Variants in PRR14L observed in about 807,000 individuals in gnomAD.
The protein encoded by PRR14L is protein PRR14L.
Under a neutral mutation model 155.0 loss-of-function variants are expected in PRR14L, and 80 were observed. That is an observed-to-expected ratio of 0.52 (90% CI 0.43 to 0.62). The LOEUF is 0.62. Ranked by LOEUF, PRR14L falls within the 20% of genes least tolerant of loss-of-function variation. PRR14L has a pLI of 0.00. For synonymous variants in PRR14L, 883 were observed against 916.0 expected, an observed-to-expected ratio of 0.96 and a Z score of 0.65; for missense variants, 2,469 against 2,548.0, an observed-to-expected ratio of 0.97 and a Z score of 0.67.
intron 1 of PRR14L, among the ~76,000 whole-genome samples, chr22:31,741,499 A>C (rs576988341): frequency 6.6e-6 from 1 of 152,046 alleles, no homozygotes; most frequent in South Asian, 2.1e-4. Flanking sequence ...ACAAAACAAA[A>C]CATTACCAAG....
Position 31,725,564 on chromosome 22 carries a change from A to G in PRR14L, c.521T>C (p.Leu174Pro). 1 of 1,551,070 alleles carries G rather than the reference A, an allele frequency of 6.4e-7. No individual in the cohort carries two copies. The highest frequency in any genetic ancestry group is 2.4e-5 in the East Asian group (1 of 40,924). ...QSSKELSHVDLPEDFLRSKEG... is the reference protein window; with the variant it reads ...QSSKELSHVDPPEDFLRSKEG... ...TTTGCTCCTTAGAAAATCTTCAGGG[A>G]GGTCCACATGTGAAAGTTCTTTGCT... Residue 174 changes from leucine (L) to proline (P), a missense_variant, in exon 3 of 9, where the codon CTC becomes CCC. Transcript: ENST00000327423.
At position 31,688,925 on chromosome 22, in the gene PRR14L, C is replaced by CACACACACACAAAA. The variant is rs1165552534; in HGVS notation, c.6108-699_6108-698insTTTTGTGTGTGTGT. Among the ~76,000 whole-genome samples the CACACACACACAAAA allele has an allele frequency of 4.3e-3, 650 of 151,320 alleles. 4 individuals carry two copies. The highest frequency in any genetic ancestry group is 0.015 in the African/African-American group (618 of 41,254). On this transcript the variant is annotated intron_variant, in intron 7 of 8. Coordinates refer to ENST00000327423, the MANE Select transcript of PRR14L (RefSeq NM_173566.3). ...ATACACACACACACACACACACACA[C>CACACACACACAAAA]AAAAACCCTTCACACCTATCAATTA...
chr22:31,744,393 A>G (rs11704362), intron 1 of PRR14L, among the ~76,000 whole-genome samples: 14,561 of 152,188 alleles, frequency 0.096, 766 homozygotes, highest in Admixed American at 0.15. Context: ...TTGGTCTCCC[A>G]AAGTGCTGGG....
At position 31,712,596 on chromosome 22, in the gene PRR14L, G is replaced by T. The variant is rs757156718; in HGVS notation, c.5243C>A (p.Ala1748Asp). The change falls in exon 4 of 9, where the codon GCC (alanine) becomes GAC (aspartate). Residue 1748 changes from alanine to aspartate, a missense_variant. Coordinates refer to ENST00000327423, the MANE Select transcript of PRR14L (RefSeq NM_173566.3). ...CGGGCACTGGAGGGCCTCTCCTAAG[G>T]CAAGCCTTGCCGGAGCACAGTGCTC... is the stretch of plus-strand genomic sequence containing the variant. Reference protein sequence around the residue: ...FPEHCAPARLALGEALQCPSQ... With the variant: ...FPEHCAPARLDLGEALQCPSQ... The T allele has an allele frequency of 3.5e-5, 54 of 1,551,700 alleles. No individual in the cohort carries two copies. Among genetic ancestry groups the T allele is most frequent in the Non-Finnish European group, 4.6e-5 (53 of 1,146,978 alleles).
intron 7 of PRR14L, among the ~76,000 whole-genome samples, chr22:31,692,869 G>A (rs748885265): frequency 6.6e-6 from 1 of 151,780 alleles, no homozygotes; most frequent in African/African-American, 2.4e-5. Context: ...TGAACTCCTG[G>A]GCTCAAGCAT....
chr22:31,748,610 A>T (rs2074853624), intron 1 of PRR14L, among the ~76,000 whole-genome samples: 1 of 152,200 alleles, frequency 6.6e-6, no homozygotes, highest in Non-Finnish European at 1.5e-5. Context: ...TTTTCTTGGG[A>T]GAGCAAAAGA....
chr22:31,714,512 A>T lies in PRR14L; in HGVS notation c.3327T>A (p.Thr1109=). 1.9e-6 allele frequency: 3 copies of T among 1,552,184 alleles called. No homozygotes were observed. The highest frequency in any genetic ancestry group is 2.4e-5 in the South Asian group (2 of 84,062). Residue 1109 remains threonine (T), a synonymous_variant, in exon 4 of 9, where the codon ACT becomes ACA. Transcript: ENST00000327423. ...RELDAAHTGT[T]GQDSDFPVTA... ...TAACTGGGAAATCTGAATCCTGACCAGTTGTTCCTGTATGTGCAGCATCCA... is the reference window on the plus strand; with the variant it reads ...TAACTGGGAAATCTGAATCCTGACCTGTTGTTCCTGTATGTGCAGCATCCA...
rs1387687462 is a variant in PRR14L, at chr22:31,714,643, C to T, written c.3196G>A (p.Glu1066Lys). 1 of 1,552,154 alleles carries T rather than the reference C, an allele frequency of 6.4e-7. No individual in the cohort carries two copies. The highest frequency in any genetic ancestry group is 8.7e-7 in the Non-Finnish European group (1 of 1,147,078). The change falls in exon 4 of 9, where the codon GAA becomes AAA. Residue 1066 changes from glutamate (E) to lysine (K), a missense_variant. By Grantham distance (56) the Glu-to-Lys change is moderately conservative. Around this residue, in one of 2 missense-constraint regions of PRR14L, gnomAD observed 2,363 missense variants for 2,371.6 expected, o/e 1.00. Transcript: ENST00000327423. Reference protein sequence around the residue: ...VYTDCSNKLAEGVLDVKASNL... With the variant: ...VYTDCSNKLAKGVLDVKASNL... The stretch of plus-strand genomic sequence containing the variant: ...GATGCCTTCACGTCCAGCACACCTT[C>T]TGCAAGCTTATTACTACAGTCCGTG...
chr22:31,737,682 A>G (rs2074789774), intron 2 of PRR14L, among the ~76,000 whole-genome samples: 1 of 151,886 alleles, frequency 6.6e-6, no homozygotes. Flanking sequence ...ATAGCTCACT[A>G]TTAGTCTCAA....
At chr22:31,709,428 G>C in intron 4 of PRR14L, among the ~76,000 whole-genome samples, 1 of 141,978 alleles carries the variant, frequency 7.0e-6, no homozygotes, top group East Asian at 2.2e-4. Context: ...AAATTTTTTT[G>C]TATTTGTAGT....
At chr22:31,689,317 T>C (rs1000187337) in intron 7 of PRR14L, among the ~76,000 whole-genome samples, 1 of 152,058 alleles carries the variant, frequency 6.6e-6, no homozygotes, top group African/African-American at 2.4e-5. Context: ...ACGCTGTCTC[T>C]ATACAAAATT....
chr22:31,737,536 C>A (rs892543520), intron 2 of PRR14L, among the ~76,000 whole-genome samples: 1 of 151,666 alleles, frequency 6.6e-6, no homozygotes, highest in Admixed American at 6.6e-5. Context: ...ACCTGTAATC[C>A]CAACACTTTC....
Position 31,738,551 on chromosome 22 carries a change from C to A in PRR14L, c.310G>T (p.Ala104Ser), listed in dbSNP as rs1422448589. ...LVDSTAGGSV[A>S]SGILDRAKRS... is the part of the protein sequence containing the mutation. ...TTTGCCCTATCCAAGATCCCAGATGCCACAGAACCTCCTGCTGTGGAGTCC... is the reference window on the plus strand; with the variant it reads ...TTTGCCCTATCCAAGATCCCAGATGACACAGAACCTCCTGCTGTGGAGTCC... Residue 104 changes from alanine to serine, a missense_variant, in exon 2 of 9, where the codon GCA becomes TCA. Ala to Ser is a moderately conservative substitution (Grantham distance 99). Transcript: ENST00000327423. 5 of 1,552,042 alleles carry A rather than the reference C, an allele frequency of 3.2e-6. No homozygotes were observed. In the East Asian group the frequency reaches 1.2e-4, roughly 38 times the overall value.
At chr22:31,704,750 A>G in intron 4 of PRR14L, 24 bp from the exon 5 acceptor site, 1 of 1,594,390 alleles carries the variant, frequency 6.3e-7, no homozygotes, top group Non-Finnish European at 8.6e-7. Context: ...AAAGTACAAA[A>G]GCAATAGGTA....
At chr22:31,749,300 T>C (rs2074858585) in intron 1 of PRR14L, among the ~76,000 whole-genome samples, 1 of 152,098 alleles carries the variant, frequency 6.6e-6, no homozygotes, top group Non-Finnish European at 1.5e-5. Flanking sequence ...AGGAGCTCAC[T>C]GCACACCAAG....
At position 31,714,160 on chromosome 22, in the gene PRR14L, C is replaced by T. The variant is rs2074640280; in HGVS notation, c.3679G>A (p.Glu1227Lys). 6.4e-7 allele frequency: 1 copy of T among 1,551,492 alleles called. No individual in the cohort carries two copies. The highest frequency in any genetic ancestry group is 8.7e-7 in the Non-Finnish European group (1 of 1,146,982). Residue 1227 changes from glutamate (E) to lysine (K), a missense_variant, in exon 4 of 9, where the codon GAA becomes AAA. Around this residue, in one of 2 missense-constraint regions of PRR14L, gnomAD observed 2,363 missense variants for 2,371.6 expected, o/e 1.00. Coordinates refer to ENST00000327423, the MANE Select transcript of PRR14L (RefSeq NM_173566.3). Reference sequence around the variant, plus strand: ...AGGCTTCTTAGGGAAACAGAGCTTTCATCATGGCAAGACATCGACTCTTTT... The same window carrying T: ...AGGCTTCTTAGGGAAACAGAGCTTTTATCATGGCAAGACATCGACTCTTTT... ...SSKESMSCHD[E>K]SSVSLRSLKS...
At chr22:31,707,630 C>T (rs1335504428) in intron 4 of PRR14L, among the ~76,000 whole-genome samples, 1 of 152,034 alleles carries the variant, frequency 6.6e-6, no homozygotes, top group African/African-American at 2.4e-5. Context: ...TGTGATCCAC[C>T]TGACTCAGCC....
chr22:31,710,113 G>C (rs772355592), intron 4 of PRR14L, among the ~76,000 whole-genome samples: 2 of 151,324 alleles, frequency 1.3e-5, no homozygotes, highest in East Asian at 2.0e-4. Context: ...ACTAATTTTT[G>C]TATTTTTTAG....
intron 4 of PRR14L, among the ~76,000 whole-genome samples, chr22:31,706,481 G>A (rs1367835937): frequency 6.8e-6 from 1 of 146,356 alleles, no homozygotes; most frequent in African/African-American, 2.6e-5. Flanking sequence ...CTGGAGTGCA[G>A]TGGCGCGATC....
Sources: gnomAD v4.1 joint callset for allele counts (sites outside exome capture counted in the v4.1 genomes callset) on GRCh38, gnomAD v4.1.1 for gene constraint, gnomAD v4.1.1 regional missense constraint, MANE v1.5 for transcripts, NCBI Gene and HGNC (gene_info 2026-07-23, HGNC 2026-07-21) for gene names.